IMMP2L: variants seen among roughly 807,000 people sequenced by gnomAD.
IMMP2L encodes inner mitochondrial membrane peptidase subunit 2.
A neutral mutation model predicts 19.3 loss-of-function variants in IMMP2L; 18 were observed. That is an observed-to-expected ratio of 0.93 (90% confidence interval 0.64 to 1.38). IMMP2L has a LOEUF of 1.38. Ranked by LOEUF, IMMP2L falls within the 40% of genes most tolerant of loss-of-function variation. IMMP2L has a pLI of 0.00. For synonymous variants in IMMP2L, 76 were observed against 73.0 expected (o/e 1.04, Z -0.21); for missense variants, 233 against 218.2 (o/e 1.07, Z -0.43).
At chr7:110,994,014 G>GA (rs370336234) in intron 3 of IMMP2L, among the ~76,000 whole-genome samples, 92 of 145,356 alleles carry the variant, frequency 6.3e-4, no homozygotes, top group African/African-American at 4.3e-4. Flanking sequence ...CTCTTACTTG[G>GA]AAAAAAAAAA....
intron 5 of IMMP2L, among the ~76,000 whole-genome samples, chr7:110,694,774 T>G (rs1166408607): frequency 1.3e-5 from 2 of 152,214 alleles, no homozygotes; most frequent in African/African-American, 4.8e-5. Context: ...TACTTGAACC[T>G]GCATGTTCAT....
chr7:110,787,463 A>G (rs1528044), intron 5 of IMMP2L, among the ~76,000 whole-genome samples: 129,447 of 151,770 alleles, frequency 0.85, 55,829 homozygotes, highest in South Asian at 0.91. Flanking sequence ...TCTGTCAAAT[A>G]AGGATCCACT....
Position 110,717,460 on chromosome 7 carries a change from G to A in IMMP2L, c.409-53739C>T, listed in dbSNP as rs189798961. Among the ~76,000 whole-genome samples, 176 of 151,718 alleles carry A rather than the reference G, an allele frequency of 1.2e-3. 1 individual carries two copies. Among genetic ancestry groups the A allele is most frequent in the African/African-American group, 3.9e-3 (163 of 41,346 alleles). On this transcript the variant is annotated intron_variant, in intron 5 of 5. Coordinates refer to ENST00000405709, the MANE Select transcript of IMMP2L (RefSeq NM_032549.4). ...AGCCTGGACAACAGAGCAAGACTAC[G>A]TCTCAAAACAAAACAAAACAAAACA...
intron 3 of IMMP2L, 139 bp from the exon 4 acceptor site, chr7:110,963,704 C>T (rs1819216054): frequency 4.6e-6 from 2 of 434,816 alleles, no homozygotes; most frequent in Non-Finnish European, 8.1e-6. Context: ...ATCAGTCTCA[C>T]TTCGGTTCCA....
At chr7:111,065,941 T>C (rs1279565677) in intron 3 of IMMP2L, among the ~76,000 whole-genome samples, 1 of 151,838 alleles carries the variant, frequency 6.6e-6, no homozygotes, top group Non-Finnish European at 1.5e-5. Context: ...CGCGCACGCT[T>C]GGTTGGTTGG....
intron 3 of IMMP2L, among the ~76,000 whole-genome samples, chr7:111,082,855 CAAA>C (rs59384730): frequency 5.6e-5 from 4 of 71,170 alleles, no homozygotes; most frequent in Admixed American, 1.6e-4. Context: ...GCGATTTTGC[CAAA>C]AAAAAAAAAA....
intron 5 of IMMP2L, among the ~76,000 whole-genome samples, chr7:110,730,464 G>A (rs1796187328): frequency 1.3e-5 from 2 of 152,168 alleles, no homozygotes; most frequent in Admixed American, 1.3e-4. Flanking sequence ...CAGACTGAAG[G>A]CTGCACTGTC....
intron 3 of IMMP2L, among the ~76,000 whole-genome samples, chr7:111,215,742 G>C (rs1811860920): frequency 6.6e-6 from 1 of 152,074 alleles, no homozygotes; most frequent in Admixed American, 6.5e-5. Flanking sequence ...AAACTTCTTT[G>C]CTCAAATTCT....
At chr7:110,789,933 A>G (rs1350605963) in intron 5 of IMMP2L, among the ~76,000 whole-genome samples, 1 of 151,688 alleles carries the variant, frequency 6.6e-6, no homozygotes, top group Non-Finnish European at 1.5e-5. Flanking sequence ...TTCTCTAAAC[A>G]CTTTCCATAA....
intron 5 of IMMP2L, among the ~76,000 whole-genome samples, chr7:110,704,233 T>G (rs752162346): frequency 1.2e-4 from 19 of 152,268 alleles, no homozygotes; most frequent in Admixed American, 5.9e-4. Flanking sequence ...CCATGCACAG[T>G]GGGGAAAAAT....
chr7:111,098,179 T>C (rs560209887), intron 3 of IMMP2L, among the ~76,000 whole-genome samples: 2 of 151,964 alleles, frequency 1.3e-5, no homozygotes, highest in South Asian at 4.1e-4. Context: ...CCAAGTCAAT[T>C]TGTTGTGTGA....
intron 5 of IMMP2L, among the ~76,000 whole-genome samples, chr7:110,797,946 AGAAG>A (rs1199367882): frequency 6.6e-6 from 1 of 152,024 alleles, no homozygotes; most frequent in Non-Finnish European, 1.5e-5. Context: ...ATGATGTAGA[AGAAG>A]GATTTGAAGA....
intron 3 of IMMP2L, among the ~76,000 whole-genome samples, chr7:111,076,292 T>C (rs1277009291): frequency 6.6e-6 from 1 of 152,198 alleles, no homozygotes; most frequent in Non-Finnish European, 1.5e-5. Flanking sequence ...AGGTGATTCA[T>C]AAGTCTGAGA....
chr7:111,550,621 A>G (rs921214394), intron 1 of IMMP2L, among the ~76,000 whole-genome samples: 1 of 152,186 alleles, frequency 6.6e-6, no homozygotes, highest in African/African-American at 2.4e-5. Context: ...CCTAAAAAAA[A>G]GTCTATTTTA....
chr7:111,354,872 G>A (rs1828541212), intron 3 of IMMP2L, among the ~76,000 whole-genome samples: 1 of 151,740 alleles, frequency 6.6e-6, no homozygotes, highest in African/African-American at 2.4e-5. Flanking sequence ...AATACAAGAA[G>A]TTCTGAAAAA....
chr7:111,497,390 A>T (rs1843692502), intron 2 of IMMP2L, among the ~76,000 whole-genome samples: 1 of 152,204 alleles, frequency 6.6e-6, no homozygotes. Context: ...AGCTAAAATC[A>T]AGTGAATAAC....
At chr7:111,434,600 C>T (rs1836962670) in intron 3 of IMMP2L, among the ~76,000 whole-genome samples, 1 of 151,556 alleles carries the variant, frequency 6.6e-6, no homozygotes, top group African/African-American at 2.4e-5. Flanking sequence ...GGATGGAGTG[C>T]AGTGGCGCAA....
At chr7:110,921,684 A>G (rs1156795969) in intron 4 of IMMP2L, among the ~76,000 whole-genome samples, 1 of 152,154 alleles carries the variant, frequency 6.6e-6, no homozygotes, top group Non-Finnish European at 1.5e-5. Flanking sequence ...GGATCACATT[A>G]TGTTTTCATC....
chr7:111,224,895 C>A (rs569985011), intron 3 of IMMP2L, among the ~76,000 whole-genome samples: 1 of 152,150 alleles, frequency 6.6e-6, no homozygotes, highest in Admixed American at 6.6e-5. Context: ...TTAAGAATGT[C>A]TTCGATGAAG....
Sources: allele counts gnomAD v4.1 joint callset (sites outside exome capture counted in the v4.1 genomes callset), GRCh38; gene constraint gnomAD v4.1.1; transcripts MANE v1.5; gene names NCBI Gene and HGNC (gene_info 2026-07-23, HGNC 2026-07-21).